The following MFN1 variants were observed in gnomAD, a reference collection of about 807,000 sequenced individuals.
The protein encoded by MFN1 is mitofusin-1.
A neutral mutation model predicts 92.4 loss-of-function variants in MFN1; 65 were observed. That is an observed-to-expected ratio of 0.70 (90% CI 0.58 to 0.86). The LOEUF (loss-of-function observed/expected upper bound fraction) is 0.86. MFN1 is among the 40% of genes least tolerant of loss of function. The probability of loss-of-function intolerance (pLI) is 0.00; values close to 1 mark genes in which losing one functional copy is unlikely to be tolerated. For synonymous variants in MFN1, 297 were observed against 300.9 expected, an observed-to-expected ratio of 0.99 and a Z score of 0.13; for missense variants, 781 against 868.0, an observed-to-expected ratio of 0.90 and a Z score of 1.26.
chr3:179,376,924 G>GTTT, intron 10 of MFN1, 118 bp from the exon 11 acceptor site: 1 of 848,960 alleles, frequency 1.2e-6, no homozygotes. Context: ...GATGTTACAA[G>GTTT]TTTTTTTTTT....
intron 10 of MFN1, 51 bp downstream of exon 10, chr3:179,375,392 T>A (rs1560197137): frequency 1.2e-6 from 2 of 1,603,282 alleles, no homozygotes; most frequent in Non-Finnish European, 1.7e-6. Context: ...TTTGTCAGAC[T>A]TTTGTTAAGA....
chr3:179,377,784 G>A lies in MFN1; in HGVS notation c.1329+336G>A, dbSNP rs756971570. ...ACTCTAATCTACAAAAAACAGTTAG[G>A]CTGGTTGCGGTGGCTCCCGCCTTTA... On this transcript the variant is annotated intron_variant, in intron 12 of 17. Transcript: ENST00000471841. Among the ~76,000 whole-genome samples the A allele has an allele frequency of 2.0e-5, 3 of 152,004 alleles. No individual in the cohort carries two copies. The South Asian group carries it at 6.2e-4, about 32-fold the overall frequency.
At chr3:179,385,955 C>G (rs895725416) in intron 15 of MFN1, among the ~76,000 whole-genome samples, 2 of 152,102 alleles carry the variant, frequency 1.3e-5, no homozygotes, top group Non-Finnish European at 2.9e-5. Context: ...TTAATACTTC[C>G]TAAGCATTTT....
intron 4 of MFN1, among the ~76,000 whole-genome samples, chr3:179,360,070 C>T (rs1482146039): frequency 3.3e-5 from 5 of 152,060 alleles, no homozygotes; most frequent in Non-Finnish European, 7.4e-5. Context: ...CATGCACCAC[C>T]ACACCTGCCT....
chr3:179,384,177 C>T (rs755199734), intron 14 of MFN1, among the ~76,000 whole-genome samples: 38 of 152,156 alleles, frequency 2.5e-4, no homozygotes, highest in Non-Finnish European at 4.0e-4. Flanking sequence ...TTTCTTATTA[C>T]GGCTGAGGAA....
intron 3 of MFN1, among the ~76,000 whole-genome samples, chr3:179,357,386 A>T (rs1048793599): frequency 6.6e-6 from 1 of 152,208 alleles, no homozygotes; most frequent in African/African-American, 2.4e-5. Context: ...GCAAGGCTTC[A>T]TGAAATGTCC....
chr3:179,350,925 C>T (rs143240753), intron 2 of MFN1, among the ~76,000 whole-genome samples: 2,662 of 152,206 alleles, frequency 0.017, 40 homozygotes, highest in Admixed American at 0.033. Context: ...GGCACCATCT[C>T]GGCTCACTGC....
At chr3:179,372,376 TTAA>T (rs1304500928) in intron 9 of MFN1, among the ~76,000 whole-genome samples, 1 of 151,762 alleles carries the variant, frequency 6.6e-6, no homozygotes, top group Non-Finnish European at 1.5e-5. Flanking sequence ...ATTTATATTA[TTAA>T]TGTATGATTA....
At chr3:179,370,437 G>A (rs977276806) in intron 9 of MFN1, among the ~76,000 whole-genome samples, 3 of 122,798 alleles carry the variant, frequency 2.4e-5, no homozygotes, top group African/African-American at 9.5e-5. Flanking sequence ...TCGCTCTGTC[G>A]CCGCCAGGCT....
intron 9 of MFN1, 24 bp downstream of exon 9, chr3:179,368,127 C>A: frequency 6.7e-7 from 1 of 1,499,106 alleles, no homozygotes; most frequent in Non-Finnish European, 9.0e-7. Context: ...GATTGTATTG[C>A]CTAATACAAA....
chr3:179,385,272 T>C (rs1336300371), intron 14 of MFN1, among the ~76,000 whole-genome samples: 2 of 151,334 alleles, frequency 1.3e-5, no homozygotes, highest in Admixed American at 6.6e-5. Context: ...TCAAGGATTG[T>C]GCTTTTGTTG....
At chr3:179,391,936 T>C (rs1367414543) in intron 17 of MFN1, 45 bp from the exon 18 acceptor site, 2 of 1,272,464 alleles carry the variant, frequency 1.6e-6, no homozygotes, top group Non-Finnish European at 2.3e-6. Flanking sequence ...ATTTTTCTCC[T>C]TGACCTTTAT....
chr3:179,380,973 T>C (rs1281254384), intron 14 of MFN1, among the ~76,000 whole-genome samples: 1 of 152,182 alleles, frequency 6.6e-6, no homozygotes, highest in East Asian at 1.9e-4. Flanking sequence ...TCAGAGTCCA[T>C]CCGTAAGCTG....
chr3:179,386,699 C>T (rs2108558538), intron 16 of MFN1, 70 bp downstream of exon 16: 1 of 1,357,050 alleles, frequency 7.4e-7, no homozygotes, highest in Non-Finnish European at 1.0e-6. Context: ...AGAAAAAGCA[C>T]AAAATAAGTG....
intron 2 of MFN1, among the ~76,000 whole-genome samples, chr3:179,350,421 A>G (rs535488597): frequency 6.6e-6 from 1 of 152,212 alleles, no homozygotes; most frequent in Non-Finnish European, 1.5e-5. Flanking sequence ...CAATTAGGAA[A>G]TAATTTGAGC....
chr3:179,370,901 A>G (rs1047264623), intron 9 of MFN1, among the ~76,000 whole-genome samples: 3 of 152,186 alleles, frequency 2.0e-5, no homozygotes, highest in Non-Finnish European at 4.4e-5. Context: ...AAGACTTTTT[A>G]AAATTCAAGT....
At chr3:179,370,520 T>A (rs1047233365) in intron 9 of MFN1, among the ~76,000 whole-genome samples, 3 of 151,030 alleles carry the variant, frequency 2.0e-5, no homozygotes, top group Non-Finnish European at 4.4e-5. Flanking sequence ...CAAGGGACTC[T>A]TCTGCCTCAG....
intron 5 of MFN1, among the ~76,000 whole-genome samples, chr3:179,363,721 T>TG (rs1263183154): frequency 6.6e-6 from 1 of 152,138 alleles, no homozygotes; most frequent in African/African-American, 2.4e-5. Context: ...CTCAAAGTCC[T>TG]GGACTCAAAC....
At chr3:179,363,024 A>G (rs1712644415) in intron 5 of MFN1, among the ~76,000 whole-genome samples, 1 of 152,218 alleles carries the variant, frequency 6.6e-6, no homozygotes, top group African/African-American at 2.4e-5. Flanking sequence ...GTCAAGATTG[A>G]CAGTTGGATA....
Sources: gnomAD v4.1 joint callset for allele counts (sites outside exome capture counted in the v4.1 genomes callset) on GRCh38, gnomAD v4.1.1 for gene constraint, MANE v1.5 for transcripts, NCBI Gene and HGNC (gene_info 2026-07-23, HGNC 2026-07-21) for gene names.